Variants in LRP1B observed in about 807,000 individuals in gnomAD.
LRP1B encodes low-density lipoprotein receptor-related protein 1B.
Under a neutral mutation model 556.6 loss-of-function variants are expected in LRP1B, and 217 were observed. The observed-to-expected ratio is 0.39, with a 90% confidence interval of 0.35 to 0.44. The LOEUF (loss-of-function observed/expected upper bound fraction) is 0.44, where lower values mean the gene tolerates loss of function less well. LRP1B is among the 20% of genes least tolerant of loss of function. The pLI, the probability that LRP1B is intolerant of heterozygous loss-of-function variation, is 1.00. For missense variants in LRP1B, 5,053 were observed against 5,620.8 expected (o/e 0.90, Z 3.23); for synonymous variants, 2,047 against 1,865.8 (o/e 1.10, Z -2.50).
intron 32 of LRP1B, among the ~76,000 whole-genome samples, chr2:140,800,630 G>T (rs1444032961): frequency 6.6e-6 from 1 of 152,006 alleles, no homozygotes; most frequent in Non-Finnish European, 1.5e-5. Flanking sequence ...GTTCGGCCTG[G>T]TTATGAGACT....
intron 43 of LRP1B, among the ~76,000 whole-genome samples, chr2:140,595,045 C>T (rs6747606): frequency 0.37 from 51,306 of 138,712 alleles, 9,348 homozygotes; most frequent in Admixed American, 0.4. Context: ...TGGAATTTAT[C>T]CTGTTGTTTT....
intron 3 of LRP1B, among the ~76,000 whole-genome samples, chr2:141,358,225 G>C (rs1688694198): frequency 6.6e-6 from 1 of 152,158 alleles, no homozygotes; most frequent in South Asian, 2.1e-4. Context: ...AAAGATGTTA[G>C]ACAAGCTGAA....
intron 41 of LRP1B, among the ~76,000 whole-genome samples, chr2:140,602,137 A>G (rs2105201322): frequency 6.6e-6 from 1 of 152,186 alleles, no homozygotes; most frequent in Admixed American, 6.5e-5. Flanking sequence ...GCAACTATCA[A>G]ACAGTGGTAG....
At chr2:141,993,371 C>T (rs985681405) in intron 1 of LRP1B, among the ~76,000 whole-genome samples, 35 of 152,110 alleles carry the variant, frequency 2.3e-4, no homozygotes, top group Admixed American at 1.6e-3. Flanking sequence ...AGGCCTATCA[C>T]CATCTCCCAT....
intron 1 of LRP1B, among the ~76,000 whole-genome samples, chr2:141,849,202 T>A (rs918880076): frequency 6.6e-6 from 1 of 151,784 alleles, no homozygotes; most frequent in Non-Finnish European, 1.5e-5. Flanking sequence ...AATTTTCTCA[T>A]TAATTCCAAA....
chr2:140,470,431 G>T (rs1687713793), intron 60 of LRP1B, among the ~76,000 whole-genome samples: 1 of 152,038 alleles, frequency 6.6e-6, no homozygotes, highest in African/African-American at 2.4e-5. Flanking sequence ...AAATCAAGAG[G>T]TCGGGAGATC....
At chr2:141,021,100 C>A (rs2105398828) in intron 11 of LRP1B, among the ~76,000 whole-genome samples, 1 of 152,098 alleles carries the variant, frequency 6.6e-6, no homozygotes, top group East Asian at 1.9e-4. Context: ...TCCTTTTTGG[C>A]ATGAGTTACA....
At chr2:141,367,873 T>C (rs1457890783) in intron 3 of LRP1B, among the ~76,000 whole-genome samples, 1 of 152,090 alleles carries the variant, frequency 6.6e-6, no homozygotes, top group Non-Finnish European at 1.5e-5. Flanking sequence ...AGACCATATT[T>C]AGCAAAGTAA....
At chr2:140,449,778 T>C (rs556606598) in intron 63 of LRP1B, among the ~76,000 whole-genome samples, 15 of 152,296 alleles carry the variant, frequency 9.8e-5, no homozygotes, top group Middle Eastern at 3.4e-3. Context: ...CTTTGTGTAG[T>C]ACAAGCCTAA....
At chr2:141,534,388 A>G (rs377192240) in intron 2 of LRP1B, among the ~76,000 whole-genome samples, 14 of 152,174 alleles carry the variant, frequency 9.2e-5, no homozygotes, top group African/African-American at 2.9e-4. Flanking sequence ...TCCAAATATC[A>G]AAACATTACC....
At chr2:140,247,572 A>G (rs570048457) in intron 86 of LRP1B, among the ~76,000 whole-genome samples, 3 of 151,570 alleles carry the variant, frequency 2.0e-5, no homozygotes, top group Non-Finnish European at 4.4e-5. Flanking sequence ...TTCTAAGTCC[A>G]GAGTGGAACT....
intron 3 of LRP1B, among the ~76,000 whole-genome samples, chr2:141,417,746 T>G (rs1184028046): frequency 6.8e-6 from 1 of 147,544 alleles, no homozygotes; most frequent in Non-Finnish European, 1.5e-5. Context: ...TGCTGCATCA[T>G]ATGGTAGTTC....
intron 35 of LRP1B, among the ~76,000 whole-genome samples, chr2:140,729,426 T>C (rs1687700643): frequency 6.6e-6 from 1 of 152,190 alleles, no homozygotes; most frequent in Non-Finnish European, 1.5e-5. Context: ...CATAGATATA[T>C]GAGTCTTATA....
intron 2 of LRP1B, among the ~76,000 whole-genome samples, chr2:141,681,166 G>A (rs571796323): frequency 5.5e-4 from 84 of 152,112 alleles, no homozygotes; most frequent in African/African-American, 1.8e-3. Context: ...GGTGGCATTC[G>A]CCTATAGTCC....
chr2:140,911,474 A>G (rs1694417887), intron 21 of LRP1B, among the ~76,000 whole-genome samples: 1 of 151,826 alleles, frequency 6.6e-6, no homozygotes, highest in Non-Finnish European at 1.5e-5. Context: ...GATTATGTAC[A>G]CACATATGCA....
chr2:141,865,330 C>T (rs1281164834), intron 1 of LRP1B, among the ~76,000 whole-genome samples: 1 of 151,976 alleles, frequency 6.6e-6, no homozygotes, highest in African/African-American at 2.4e-5. Flanking sequence ...CGGTGGCTCA[C>T]GCCTGTAATC....
chr2:141,647,900 A>C (rs1462524922), intron 2 of LRP1B, among the ~76,000 whole-genome samples: 1 of 152,076 alleles, frequency 6.6e-6, no homozygotes, highest in Admixed American at 6.6e-5. Context: ...CAGGGAATAA[A>C]TAGAGGCAGG....
chr2:140,519,231 C>G (rs576107100), intron 49 of LRP1B, among the ~76,000 whole-genome samples: 2 of 152,108 alleles, frequency 1.3e-5, no homozygotes, highest in Non-Finnish European at 2.9e-5. Flanking sequence ...CCACAGTAAC[C>G]AAAACAGCAT....
intron 59 of LRP1B, among the ~76,000 whole-genome samples, chr2:140,477,094 G>A (rs947092552): frequency 1.3e-5 from 2 of 152,134 alleles, no homozygotes; most frequent in South Asian, 2.1e-4. Context: ...TTATGGAGAA[G>A]TACCTTGTTG....
Sources: allele counts gnomAD v4.1 joint callset (sites outside exome capture counted in the v4.1 genomes callset), GRCh38; gene constraint gnomAD v4.1.1; transcripts MANE v1.5; gene names NCBI Gene and HGNC (gene_info 2026-07-23, HGNC 2026-07-21).